CNRIP1: variants seen among roughly 807,000 people sequenced by gnomAD.
CNRIP1 encodes cannabinoid receptor interacting protein 1, also known as CB1 cannabinoid receptor-interacting protein 1.
Under a neutral mutation model 15.2 loss-of-function variants are expected in CNRIP1, and 10 were observed. The ratio of observed to expected loss-of-function variants is 0.66; its 90% CI spans 0.41 to 1.12. The LOEUF is 1.12. Ranked by LOEUF, CNRIP1 falls within the 50% of genes most tolerant of loss-of-function variation. CNRIP1 has a pLI of 0.00. For missense variants in CNRIP1, 211 were observed against 214.7 expected (o/e 0.98, Z 0.11); for synonymous variants, 91 against 83.2 (o/e 1.09, Z -0.51).
chr2:68,296,795 G>A (rs540708019), intron 2 of CNRIP1, among the ~76,000 whole-genome samples: 3 of 152,026 alleles, frequency 2.0e-5, no homozygotes, highest in Admixed American at 6.5e-5. Flanking sequence ...GTGCCACTAC[G>A]CCTGGCTAAT....
chr2:68,308,881 CTGAAA>C (rs2103671589), intron 2 of CNRIP1, among the ~76,000 whole-genome samples: 1 of 151,848 alleles, frequency 6.6e-6, no homozygotes, highest in South Asian at 2.1e-4. Flanking sequence ...TCAGTGAGCA[CTGAAA>C]TATCTCAGGT....
At chr2:68,315,716 C>T (rs1287611854) in intron 2 of CNRIP1, among the ~76,000 whole-genome samples, 10 of 152,066 alleles carry the variant, frequency 6.6e-5, no homozygotes, top group Non-Finnish European at 1.5e-5. Flanking sequence ...ACTCTTGTCA[C>T]CGAGGCTGGA....
intron 2 of CNRIP1, among the ~76,000 whole-genome samples, chr2:68,314,819 A>T (rs1384165190): frequency 1.3e-5 from 2 of 152,078 alleles, no homozygotes; most frequent in African/African-American, 4.8e-5. Flanking sequence ...AAATAATTGT[A>T]TTAGGACACT....
intron 2 of CNRIP1, among the ~76,000 whole-genome samples, chr2:68,294,506 G>T (rs540310205): frequency 1.3e-5 from 2 of 152,192 alleles, no homozygotes; most frequent in South Asian, 4.2e-4. Context: ...AAACCCCCAT[G>T]TTCATCCCCC....
intron 2 of CNRIP1, among the ~76,000 whole-genome samples, chr2:68,297,291 G>C (rs1253920109): frequency 6.6e-6 from 1 of 152,150 alleles, no homozygotes; most frequent in Non-Finnish European, 1.5e-5. Flanking sequence ...CATAGGCTGG[G>C]CGCAGTGGCT....
chr2:68,319,483 G>T lies in CNRIP1; in HGVS notation c.-83C>A, dbSNP rs1010832747. The stretch of plus-strand genomic sequence containing the variant: ...GCCGAGTGGCTGGAGCGCGAGGGGC[G>T]GAGAGGAAGCGCGGGGAGGGTGAGG... On this transcript the variant is annotated 5_prime_UTR_variant, in exon 1 of 3. Transcript: ENST00000263655. The T allele has an allele frequency of 5.9e-6, 8 of 1,361,660 alleles. No individual in the cohort carries two copies. The highest frequency in any genetic ancestry group is 1.5e-5 in the South Asian group (1 of 66,386). The allele number at this position is 1,361,660 out of a possible 1,614,324, so 84.3% of individuals were successfully genotyped here. A position where few individuals can be genotyped will look rare whatever the true frequency, so the allele number is the denominator to read the frequency against.
downstream of CNRIP1, among the ~76,000 whole-genome samples, chr2:68,292,230 AAAAC>A (rs1671191346): frequency 6.6e-6 from 1 of 152,200 alleles, no homozygotes; most frequent in Non-Finnish European, 1.5e-5. Flanking sequence ...ACTTTAAAAA[AAAAC>A]AAAAAAACAA....
downstream of CNRIP1, chr2:68,293,006 G>A (rs1463109276): frequency 1.0e-6 from 1 of 985,104 alleles, no homozygotes; most frequent in Non-Finnish European, 1.2e-6. Flanking sequence ...TGCAAGTCAG[G>A]GCATGATTTT....
At chr2:68,294,047 CT>C in intron 2 of CNRIP1, 21 bp from the exon 3 acceptor site, 1 of 1,609,772 alleles carries the variant, frequency 6.2e-7, no homozygotes, top group Non-Finnish European at 8.5e-7. Flanking sequence ...AGAAACATGC[CT>C]GATAAAAAAC....
Position 68,293,624 on chromosome 2 carries a change from A to C in CNRIP1, c.*238T>G. ...AGTATGACCGAGAACAACTGGATGC[A>C]GGAACATCAGCACAAAATACAGATG... On this transcript the variant is annotated 3_prime_UTR_variant, in exon 3 of 3. Transcript: ENST00000263655. The C allele has an allele frequency of 8.4e-7, 1 of 1,192,336 alleles. No homozygotes were observed. Among genetic ancestry groups the C allele is most frequent in the Non-Finnish European group, 1.0e-6 (1 of 953,666 alleles). 73.9% of individuals were successfully genotyped at this position (1,192,336 alleles called of 1,614,324 possible).
intron 2 of CNRIP1, among the ~76,000 whole-genome samples, chr2:68,284,800 G>C (rs530937111): frequency 7.6e-6 from 1 of 131,598 alleles, no homozygotes; most frequent in Admixed American, 8.2e-5. Context: ...GACAGAGCGA[G>C]ACTCTGTCTC....
At chr2:68,306,985 T>C (rs1479028750) in intron 2 of CNRIP1, among the ~76,000 whole-genome samples, 1 of 152,200 alleles carries the variant, frequency 6.6e-6, no homozygotes, top group Non-Finnish European at 1.5e-5. Context: ...TTGCATGATT[T>C]TAAAAAGTGA....
At chr2:68,303,114 G>T (rs950638590) in intron 2 of CNRIP1, among the ~76,000 whole-genome samples, 2 of 152,070 alleles carry the variant, frequency 1.3e-5, no homozygotes, top group Non-Finnish European at 2.9e-5. Flanking sequence ...CCAAAGTGCT[G>T]GGATTACAGG....
In CNRIP1 at chr2:68,306,124, C is replaced by CAAAAAAAAAAAAAA. The variant is rs61586261; in HGVS notation, c.330+11019_330+11032dup. On this transcript the variant is annotated intron_variant, in intron 2 of 2. Transcript: ENST00000263655. ...CTGGGCAGCAGAGACCCCACCTCTACAAAAAAAAAAAAAAAAAAAAAAAAA... is the reference window on the plus strand; with the variant it reads ...CTGGGCAGCAGAGACCCCACCTCTACAAAAAAAAAAAAAAAAAAAAAAAAAAAAAAAAAAAAAAA... 1.3e-3 allele frequency among the ~76,000 whole-genome samples: 34 copies of CAAAAAAAAAAAAAA among 25,340 alleles called. 5 individuals are homozygous for CAAAAAAAAAAAAAA. The highest frequency in any genetic ancestry group is 2.9e-3 in the Admixed American group (4 of 1,386). 16.6% of individuals were successfully genotyped at this position (25,340 alleles called of 152,430 possible).
At chr2:68,286,125 A>G (rs774603151) in intron 2 of CNRIP1, among the ~76,000 whole-genome samples, 1 of 152,172 alleles carries the variant, frequency 6.6e-6, no homozygotes, top group Non-Finnish European at 1.5e-5. Context: ...CTAGCCCACA[A>G]TAAACTCTCT....
intron 2 of CNRIP1, among the ~76,000 whole-genome samples, chr2:68,287,658 GCA>G (rs1416003107): frequency 6.6e-6 from 1 of 152,154 alleles, no homozygotes; most frequent in Non-Finnish European, 1.5e-5. Context: ...TGTTGGCATT[GCA>G]CAGACTGTTG....
At chr2:68,298,366 AT>A (rs558931028) in intron 2 of CNRIP1, among the ~76,000 whole-genome samples, 9 of 152,156 alleles carry the variant, frequency 5.9e-5, no homozygotes, top group Non-Finnish European at 1.0e-4. Flanking sequence ...GCCAGCTAAT[AT>A]TTTGAAGGAA....
At chr2:68,285,983 A>C (rs1671022795) in intron 2 of CNRIP1, among the ~76,000 whole-genome samples, 1 of 152,220 alleles carries the variant, frequency 6.6e-6, no homozygotes, top group Non-Finnish European at 1.5e-5. Flanking sequence ...TTATTTGAAG[A>C]AACTTGTCAT....
Position 68,293,692 on chromosome 2 carries a change from G to C in CNRIP1, c.*170C>G. ...GGTACATCACCATCTTGTATGTGAG[G>C]GATATTGTGTCAGAGGGGAATTACA... On this transcript the variant is annotated 3_prime_UTR_variant, in exon 3 of 3. Coordinates refer to ENST00000263655, the MANE Select transcript of CNRIP1 (RefSeq NM_015463.3). 7.2e-7 allele frequency: 1 copy of C among 1,386,072 alleles called. No individual in the cohort carries two copies. Among genetic ancestry groups the C allele is most frequent in the South Asian group, 1.7e-5 (1 of 58,360 alleles). 85.9% of individuals were successfully genotyped at this position (1,386,072 alleles called of 1,614,324 possible).
Sources: allele counts gnomAD v4.1 joint callset (sites outside exome capture counted in the v4.1 genomes callset), GRCh38; gene constraint gnomAD v4.1.1; transcripts MANE v1.5; gene names NCBI Gene and HGNC (gene_info 2026-07-23, HGNC 2026-07-21).